EDNRA: variants seen among roughly 807,000 people sequenced by gnomAD.
The protein encoded by EDNRA is endothelin-1 receptor.
In EDNRA, 11 loss-of-function variants were observed where a neutral mutation model predicts 41.4. The ratio of observed to expected loss-of-function variants is 0.27; its 90% CI spans 0.17 to 0.44. The LOEUF (loss-of-function observed/expected upper bound fraction) is 0.44, where lower values mean the gene tolerates loss of function less well. Ranked by LOEUF, EDNRA falls within the 20% of genes least tolerant of loss-of-function variation. EDNRA has a pLI of 1.00. For synonymous variants in EDNRA, 172 were observed against 183.0 expected, an observed-to-expected ratio of 0.94 and a Z score of 0.49; for missense variants, 294 against 531.0, an observed-to-expected ratio of 0.55 and a Z score of 4.39.
rs200070991 is a variant in EDNRA, at chr4:147,481,332, G to T, written c.-115G>T. The T allele has an allele frequency of 7.2e-5, 11 of 152,520 alleles. No individual in the cohort carries two copies. The highest frequency in any genetic ancestry group is 1.6e-4 in the Non-Finnish European group (11 of 68,162). The allele number at this position is 152,520 out of a possible 1,614,324, so 9.4% of individuals were successfully genotyped here. Reference sequence around the variant, plus strand: ...CCGGCTCCGGCTTCCTCTGGCCCAGGCGCCGCGCGGACCCGGCAGCTGTCT... The same window carrying T: ...CCGGCTCCGGCTTCCTCTGGCCCAGTCGCCGCGCGGACCCGGCAGCTGTCT... On this transcript the variant is annotated 5_prime_UTR_variant, in exon 1 of 8. Coordinates refer to ENST00000651419, the MANE Select transcript of EDNRA (RefSeq NM_001957.4).
At chr4:147,501,914 G>C (rs1010952309) in intron 2 of EDNRA, among the ~76,000 whole-genome samples, 2 of 152,122 alleles carry the variant, frequency 1.3e-5, no homozygotes, top group African/African-American at 4.8e-5. Flanking sequence ...GTATTACTTT[G>C]ATATAAATTG....
chr4:147,532,105 G>A (rs1448362308), intron 3 of EDNRA, among the ~76,000 whole-genome samples: 1 of 143,980 alleles, frequency 6.9e-6, no homozygotes, highest in Non-Finnish European at 1.5e-5. Context: ...GAGGTCAGGA[G>A]ATCGAGACCA....
At chr4:147,506,737 A>G in intron 2 of EDNRA, 1 of 325,000 alleles carries the variant, frequency 3.1e-6, no homozygotes, top group Admixed American at 3.7e-5. Flanking sequence ...GAGTACAGAC[A>G]TCACCAAGGA....
chr4:147,484,853 T>C (rs1005671911), intron 1 of EDNRA, among the ~76,000 whole-genome samples: 3 of 152,246 alleles, frequency 2.0e-5, no homozygotes, highest in Non-Finnish European at 2.9e-5. Flanking sequence ...TTTTTATCAA[T>C]TATTTCATTC....
intron 5 of EDNRA, among the ~76,000 whole-genome samples, chr4:147,538,289 A>G (rs2884340): frequency 0.34 from 51,683 of 151,822 alleles, 10,487 homozygotes; most frequent in African/African-American, 0.57. Flanking sequence ...GTGCATCAAA[A>G]GAGTGTCCCT....
In EDNRA at chr4:147,519,282, G is replaced by A. The variant is rs942747329; in HGVS notation, c.421-569G>A. Among the ~76,000 whole-genome samples, 1 of 152,066 alleles carries A rather than the reference G, an allele frequency of 6.6e-6. No individual in the cohort carries two copies. The highest frequency in any genetic ancestry group is 6.6e-5 in the Admixed American group (1 of 15,264). ...AAATTAGTAGCTTCTACACCACTTTGTTTTTTTCCAGTATTCTCCCTAACC... is the reference window on the plus strand; with the variant it reads ...AAATTAGTAGCTTCTACACCACTTTATTTTTTTCCAGTATTCTCCCTAACC... On this transcript the variant is annotated intron_variant, in intron 2 of 7. Coordinates refer to ENST00000651419, the MANE Select transcript of EDNRA (RefSeq NM_001957.4). The surrounding 1 kb of genome is among the most constrained non-coding windows in gnomAD (Gnocchi z 4.1).
At chr4:147,533,119 C>T (rs1359860136) in intron 4 of EDNRA, among the ~76,000 whole-genome samples, 1 of 152,050 alleles carries the variant, frequency 6.6e-6, no homozygotes, top group Non-Finnish European at 1.5e-5. Context: ...TATCTTATGT[C>T]ACTTGGGGAG....
chr4:147,524,423 T>C (rs1730458152), intron 3 of EDNRA, among the ~76,000 whole-genome samples: 1 of 151,434 alleles, frequency 6.6e-6, no homozygotes, highest in Non-Finnish European at 1.5e-5. Flanking sequence ...GAAAAAGAAA[T>C]AAGATGTTCC....
chr4:147,524,365 C>T (rs542154737), intron 3 of EDNRA, among the ~76,000 whole-genome samples: 8 of 151,918 alleles, frequency 5.3e-5, no homozygotes, highest in Non-Finnish European at 1.0e-4. Context: ...TATCTAGTGT[C>T]GGGTCACCTC....
At chr4:147,523,208 G>A (rs1347010056) in intron 3 of EDNRA, among the ~76,000 whole-genome samples, 3 of 152,196 alleles carry the variant, frequency 2.0e-5, no homozygotes, top group Non-Finnish European at 4.4e-5. Context: ...CTTAAAAGGT[G>A]CCAGACTCTT....
intron 2 of EDNRA, chr4:147,506,547 G>C (rs1729722558): frequency 7.3e-6 from 2 of 274,736 alleles, no homozygotes; most frequent in Non-Finnish European, 1.5e-5. Context: ...TGGAAAATAA[G>C]CTCCAGCTAA....
intron 2 of EDNRA, among the ~76,000 whole-genome samples, chr4:147,510,482 A>T (rs945507685): frequency 6.6e-6 from 1 of 152,216 alleles, no homozygotes; most frequent in Non-Finnish European, 1.5e-5. Flanking sequence ...AAGTAACATC[A>T]AACTAATTTT....
intron 1 of EDNRA, among the ~76,000 whole-genome samples, chr4:147,484,327 G>A (rs1311787752): frequency 2.0e-5 from 3 of 152,158 alleles, no homozygotes; most frequent in African/African-American, 4.8e-5. Flanking sequence ...ACCCTCCTGA[G>A]TCTATTGCTT....
In EDNRA at chr4:147,535,021, T is replaced by C. The variant is rs140670479; in HGVS notation, c.748-856T>C. Among the ~76,000 whole-genome samples, 484 of 152,338 alleles carry C rather than the reference T, an allele frequency of 3.2e-3. 2 individuals carry two copies. The highest frequency in any genetic ancestry group is 0.011 in the African/African-American group (463 of 41,586). On this transcript the variant is annotated intron_variant, in intron 4 of 7. Coordinates refer to ENST00000651419, the MANE Select transcript of EDNRA (RefSeq NM_001957.4). ...AGAGCAACATGATTATTTTTTACTG[T>C]GGGAACTGCATTGTCCTTAGTAAAT...
At chr4:147,528,703 G>T (rs1730642855) in intron 3 of EDNRA, among the ~76,000 whole-genome samples, 1 of 152,098 alleles carries the variant, frequency 6.6e-6, no homozygotes, top group South Asian at 2.1e-4. Flanking sequence ...GAACATTGTT[G>T]GTCACATTGT....
chr4:147,508,936 C>T (rs1400979362), intron 2 of EDNRA, among the ~76,000 whole-genome samples: 3 of 151,958 alleles, frequency 2.0e-5, no homozygotes, highest in Non-Finnish European at 2.9e-5. Context: ...ATTCTAGATC[C>T]CTTATATTTT....
intron 3 of EDNRA, among the ~76,000 whole-genome samples, chr4:147,531,895 A>G (rs1730753250): frequency 6.6e-6 from 1 of 151,384 alleles, no homozygotes; most frequent in Non-Finnish European, 1.5e-5. Flanking sequence ...CTGTAGTCCC[A>G]GCTACTCGGG....
chr4:147,504,808 G>T (rs560534579), intron 2 of EDNRA, among the ~76,000 whole-genome samples: 1 of 151,334 alleles, frequency 6.6e-6, no homozygotes, highest in Non-Finnish European at 1.5e-5. Context: ...AAATACAAAA[G>T]TTAGCCAGGC....
At chr4:147,497,814 C>T (rs1006786458) in intron 2 of EDNRA, among the ~76,000 whole-genome samples, 3 of 152,058 alleles carry the variant, frequency 2.0e-5, no homozygotes, top group Admixed American at 2.0e-4. Flanking sequence ...CCTCGTGATC[C>T]GCCCACCTCG....
Sources: allele counts gnomAD v4.1 joint callset (sites outside exome capture counted in the v4.1 genomes callset), GRCh38; gene constraint gnomAD v4.1.1; non-coding constraint Gnocchi (gnomAD v3.1); transcripts MANE v1.5; gene names NCBI Gene and HGNC (gene_info 2026-07-23, HGNC 2026-07-21).